Variants in TPRG1 observed in about 807,000 individuals in gnomAD.
TPRG1 encodes the protein tumor protein p63-regulated gene 1 protein.
A neutral mutation model predicts 29.3 loss-of-function variants in TPRG1; 29 were observed. The observed-to-expected ratio is 0.99, with a 90% CI of 0.74 to 1.35. TPRG1 has a LOEUF of 1.35. Ranked by LOEUF, TPRG1 falls within the 40% of genes most tolerant of loss-of-function variation. The pLI is 0.00. For synonymous variants in TPRG1, 130 were observed against 116.8 expected (o/e 1.11, Z -0.73); for missense variants, 327 against 335.0 (o/e 0.98, Z 0.19).
At chr3:189,001,236 AAGAC>A (rs1161776005) in intron 2 of TPRG1, among the ~76,000 whole-genome samples, 1 of 152,168 alleles carries the variant, frequency 6.6e-6, no homozygotes, top group Admixed American at 6.5e-5. Context: ...TTAAGCAAGA[AAGAC>A]AAACAACTAA....
intron 1 of TPRG1, among the ~76,000 whole-genome samples, chr3:189,116,189 A>T (rs962062438): frequency 1.3e-5 from 2 of 152,004 alleles, no homozygotes; most frequent in South Asian, 2.1e-4. Context: ...TATTATTATT[A>T]TTTTTTGAGA....
In TPRG1 at chr3:189,310,664, T is replaced by C. The variant is rs868243389; in HGVS notation, c.633+125T>C. 7.6e-5 allele frequency: 27 copies of C among 357,120 alleles called. No individual in the cohort carries two copies. In the Middle Eastern group the frequency reaches 7.1e-3, roughly 94 times the overall value. The allele number at this position is 357,120 out of a possible 1,614,324, so 22.1% of individuals were successfully genotyped here. On this transcript the variant is annotated intron_variant, in intron 5 of 5. Coordinates refer to ENST00000345063, the MANE Select transcript of TPRG1 (RefSeq NM_198485.4). ...TAAAATAAAATAAAATAAAATAAAA[T>C]AAAACCAGCAATTTATATAGACAAA...
intron 1 of TPRG1, among the ~76,000 whole-genome samples, chr3:189,119,773 C>A (rs1578419101): frequency 6.6e-6 from 1 of 152,214 alleles, no homozygotes; most frequent in Non-Finnish European, 1.5e-5. Context: ...GAGGCCTCCC[C>A]AGCCATGCTG....
intron 3 of TPRG1, among the ~76,000 whole-genome samples, chr3:189,141,544 T>C (rs143971184): frequency 3.7e-3 from 567 of 152,154 alleles, no homozygotes; most frequent in South Asian, 0.024. Flanking sequence ...TAGTCTTGAG[T>C]AGCTCAAAAT....
intron 1 of TPRG1, among the ~76,000 whole-genome samples, chr3:189,185,321 T>C (rs996121199): frequency 1.3e-5 from 2 of 151,940 alleles, no homozygotes; most frequent in Non-Finnish European, 2.9e-5. Context: ...CCTCCCAGGC[T>C]CAAGCGATCC....
chr3:189,163,043 G>T (rs369553835), intron 5 of TPRG1, among the ~76,000 whole-genome samples: 1 of 152,162 alleles, frequency 6.6e-6, no homozygotes, highest in Non-Finnish European at 1.5e-5. Context: ...AGGCCCAGGC[G>T]GGTGGGTCAC....
At chr3:189,072,643 A>G (rs1038427341) in intron 4 of TPRG1, among the ~76,000 whole-genome samples, 3 of 151,872 alleles carry the variant, frequency 2.0e-5, no homozygotes, top group Middle Eastern at 3.4e-3. Context: ...TTTTTTCTTT[A>G]TAAGTAATTT....
chr3:189,117,928 C>T (rs556858200), intron 1 of TPRG1, among the ~76,000 whole-genome samples: 1 of 152,114 alleles, frequency 6.6e-6, no homozygotes, highest in African/African-American at 2.4e-5. Flanking sequence ...TAGTGGGGTG[C>T]TGCTGTAAAG....
At chr3:189,159,086 G>T (rs1727098544) in intron 5 of TPRG1, among the ~76,000 whole-genome samples, 1 of 152,074 alleles carries the variant, frequency 6.6e-6, no homozygotes, top group African/African-American at 2.4e-5. Context: ...TCATGAAGAT[G>T]TGCTCCTCTC....
At chr3:189,064,244 C>T (rs1026989022) in intron 4 of TPRG1, among the ~76,000 whole-genome samples, 2 of 152,116 alleles carry the variant, frequency 1.3e-5, no homozygotes, top group African/African-American at 4.8e-5. Context: ...CTCATACAAA[C>T]TATTTAGAAA....
At chr3:189,233,715 A>G (rs1739029007) in intron 3 of TPRG1, among the ~76,000 whole-genome samples, 1 of 152,062 alleles carries the variant, frequency 6.6e-6, no homozygotes, top group East Asian at 1.9e-4. Flanking sequence ...CACAGTGAGG[A>G]GACACAGATA....
chr3:189,267,977 G>A (rs571652826), intron 4 of TPRG1, among the ~76,000 whole-genome samples: 1 of 152,292 alleles, frequency 6.6e-6, no homozygotes, highest in Admixed American at 6.5e-5. Flanking sequence ...TGATCTTGGT[G>A]TGGAAATGAG....
chr3:189,030,760 A>G (rs1476905293), intron 4 of TPRG1, among the ~76,000 whole-genome samples: 2 of 152,166 alleles, frequency 1.3e-5, no homozygotes, highest in Non-Finnish European at 2.9e-5. Context: ...ACCATATGTC[A>G]TGCTTCTTAA....
At chr3:189,228,226 A>G (rs1460542708) in intron 3 of TPRG1, among the ~76,000 whole-genome samples, 1 of 152,024 alleles carries the variant, frequency 6.6e-6, no homozygotes, top group African/African-American at 2.4e-5. Context: ...ACATTAATTT[A>G]CATTTTTTTT....
At position 189,105,851 on chromosome 3, in the gene TPRG1, C is replaced by T. The variant is rs555342540; in HGVS notation, c.-744+5647C>T. Among the ~76,000 whole-genome samples the T allele has an allele frequency of 2.0e-5, 3 of 152,124 alleles. No homozygotes were observed. The South Asian group carries it at 6.2e-4, about 32-fold the overall frequency. ...CTAAATTGGAAACATTTTTTGAAGACAGGAAATTCAGCCTAAGTAAAACCT... is the reference window on the plus strand; with the variant it reads ...CTAAATTGGAAACATTTTTTGAAGATAGGAAATTCAGCCTAAGTAAAACCT... On this transcript the variant is annotated intron_variant, in intron 1 of 6. Transcript: ENST00000412373.
At chr3:189,022,013 G>A (rs1430055966) in intron 3 of TPRG1, among the ~76,000 whole-genome samples, 1 of 151,990 alleles carries the variant, frequency 6.6e-6, no homozygotes, top group Non-Finnish European at 1.5e-5. Flanking sequence ...CTTTCTTCCA[G>A]TTGATCGCAT....
chr3:189,164,416 C>T (rs1159621563), intron 5 of TPRG1, among the ~76,000 whole-genome samples: 1 of 152,204 alleles, frequency 6.6e-6, no homozygotes, highest in Non-Finnish European at 1.5e-5. Context: ...CCCGCCTCGG[C>T]CTCCCAAAGT....
chr3:189,174,490 C>G (rs930624240), intron 1 of TPRG1, among the ~76,000 whole-genome samples: 1 of 152,156 alleles, frequency 6.6e-6, no homozygotes, highest in African/African-American at 2.4e-5. Flanking sequence ...TTGAATTTTC[C>G]ACTTCTGATC....
chr3:189,069,618 A>G (rs908920663), intron 4 of TPRG1, among the ~76,000 whole-genome samples: 1 of 152,220 alleles, frequency 6.6e-6, no homozygotes, highest in African/African-American at 2.4e-5. Flanking sequence ...CAAATACCAC[A>G]TGACCCAGAA....
Sources: allele counts gnomAD v4.1 joint callset (sites outside exome capture counted in the v4.1 genomes callset), GRCh38; gene constraint gnomAD v4.1.1; transcripts MANE v1.5; gene names NCBI Gene and HGNC (gene_info 2026-07-23, HGNC 2026-07-21).